HNRNPLL: variants seen among roughly 807,000 people sequenced by gnomAD.
The protein encoded by HNRNPLL is heterogeneous nuclear ribonucleoprotein L like, also known as heterogeneous nuclear ribonucleoprotein L-like.
In HNRNPLL, 25 loss-of-function variants were observed where a neutral mutation model predicts 67.1. The observed-to-expected ratio is 0.37, with a 90% confidence interval of 0.27 to 0.52. The LOEUF (loss-of-function observed/expected upper bound fraction) is 0.52. Ranked by LOEUF, HNRNPLL falls within the 20% of genes least tolerant of loss-of-function variation. The probability of loss-of-function intolerance (pLI) is 0.90; values close to 1 mark genes in which losing one functional copy is unlikely to be tolerated. For missense variants in HNRNPLL, 542 were observed against 673.9 expected (o/e 0.80, Z 2.17); for synonymous variants, 267 against 241.7 (o/e 1.10, Z -0.97).
intron 1 of HNRNPLL, among the ~76,000 whole-genome samples, chr2:38,593,621 GGCTCATGCCTGTAAT>G (rs1445252414): frequency 1.3e-5 from 2 of 152,178 alleles, no homozygotes; most frequent in African/African-American, 4.8e-5. Context: ...CAGACGTGGT[GGCTCATGCCTGTAAT>G]CCAGCACTTT....
intron 2 of HNRNPLL, among the ~76,000 whole-genome samples, chr2:38,590,405 T>C (rs1443261871): frequency 6.6e-6 from 1 of 152,168 alleles, no homozygotes; most frequent in Non-Finnish European, 1.5e-5. Flanking sequence ...CACACTGAAA[T>C]TTCTCTTCTA....
At chr2:38,580,327 T>C (rs1383354460) in intron 6 of HNRNPLL, among the ~76,000 whole-genome samples, 3 of 152,178 alleles carry the variant, frequency 2.0e-5, no homozygotes, top group Non-Finnish European at 2.9e-5. Flanking sequence ...GTGAAAAACA[T>C]GGGGTCTAGC....
intron 8 of HNRNPLL, among the ~76,000 whole-genome samples, chr2:38,571,385 C>T (rs1666076431): frequency 6.6e-6 from 1 of 152,156 alleles, no homozygotes; most frequent in Non-Finnish European, 1.5e-5. Flanking sequence ...TAAGGGAGGA[C>T]TCCTGTACCA....
rs551511026 is a variant in HNRNPLL at position 38,597,886 on chromosome 2, A to G, written c.189+4552T>C. On this transcript the variant is annotated intron_variant, in intron 1 of 12. Coordinates refer to ENST00000449105, the MANE Select transcript of HNRNPLL (RefSeq NM_138394.4). ...GTATTTTTAGTAGAGACGAGGTTTC[A>G]CCATCTTGGCCAGGCTGGTCTTGAA... 1.1e-4 allele frequency among the ~76,000 whole-genome samples: 17 copies of G among 151,876 alleles called. No individual in the cohort carries two copies. The Middle Eastern group carries it at 0.014, about 122-fold the overall frequency.
chr2:38,581,670 C>T (rs1180371527), intron 6 of HNRNPLL: 1 of 530,662 alleles, frequency 1.9e-6, no homozygotes, highest in Non-Finnish European at 3.3e-6. Flanking sequence ...AGTCCTTGAA[C>T]TGCGGGCGTG....
At position 38,602,476 on chromosome 2, in the gene HNRNPLL, C is replaced by T. The variant is rs571556070; in HGVS notation, c.151G>A (p.Gly51Ser). 9.7e-6 allele frequency: 15 copies of T among 1,542,420 alleles called. No homozygotes were observed. The Admixed American group carries it at 9.8e-5, about 10-fold the overall frequency. Residue 51 changes from glycine to serine, a missense_variant, in exon 1 of 13, where the codon GGC becomes AGC. Physicochemically the swap from Gly to Ser is moderately conservative, Grantham distance 56. This residue lies in a region of HNRNPLL where 127 missense variants were observed against 98.7 expected (regional missense o/e 1.29). Coordinates refer to ENST00000449105, the MANE Select transcript of HNRNPLL (RefSeq NM_138394.4). ...CTCCGGCCGCCGCCGCCGCCATCGC[C>T]CCCGCCCCGGGGCGTCGCTTCCCGG... Reference protein sequence around the residue: ...NRREATPRGGGDGGGGGRSFS... With the variant: ...NRREATPRGGSDGGGGGRSFS...
chr2:38,592,741 C>T (rs1425125153), intron 1 of HNRNPLL, among the ~76,000 whole-genome samples: 2 of 152,204 alleles, frequency 1.3e-5, no homozygotes, highest in Non-Finnish European at 2.9e-5. Flanking sequence ...TTTACAAATG[C>T]CATCAGGCAC....
intron 3 of HNRNPLL, among the ~76,000 whole-genome samples, chr2:38,585,036 C>T (rs562141080): frequency 3.9e-5 from 6 of 152,244 alleles, no homozygotes; most frequent in African/African-American, 1.2e-4. Flanking sequence ...ATGATACCAA[C>T]TGAAGTTTCC....
In HNRNPLL at chr2:38,562,635, C is replaced by A. The variant is rs929329482; in HGVS notation, c.*1547G>T. On this transcript the variant is annotated 3_prime_UTR_variant, in exon 13 of 13. Transcript: ENST00000449105. The stretch of plus-strand genomic sequence containing the variant: ...GGCAATGAATAAGAAACATACATAG[C>A]CCAGTATCGAACACAGTTCACACAG... 1 of 152,026 alleles carries A rather than the reference C, an allele frequency of 6.6e-6. No individual in the cohort carries two copies. Among genetic ancestry groups the A allele is most frequent in the African/African-American group, 2.4e-5 (1 of 41,402 alleles). 9.4% of individuals were successfully genotyped at this position (152,026 alleles called of 1,614,324 possible). A position where few individuals can be genotyped will look rare whatever the true frequency, so the allele number is the denominator to read the frequency against.
chr2:38,594,316 CATAAT>C (rs1402576495), intron 1 of HNRNPLL, among the ~76,000 whole-genome samples: 5 of 152,076 alleles, frequency 3.3e-5, no homozygotes, highest in South Asian at 2.1e-4. Flanking sequence ...ATTAGGTTAA[CATAAT>C]AGAATTAATT....
intron 1 of HNRNPLL, among the ~76,000 whole-genome samples, chr2:38,601,782 C>T (rs1463186555): frequency 6.6e-6 from 1 of 152,118 alleles, no homozygotes; most frequent in African/African-American, 2.4e-5. Context: ...CAACAGCTGC[C>T]AACACTTCTG....
chr2:38,574,381 G>C (rs2148346927), intron 7 of HNRNPLL, among the ~76,000 whole-genome samples: 1 of 151,896 alleles, frequency 6.6e-6, no homozygotes, highest in Non-Finnish European at 1.5e-5. Flanking sequence ...ACACATCTTA[G>C]ATGCTCCTAA....
At chr2:38,586,695 T>A (rs1180614088) in intron 2 of HNRNPLL, among the ~76,000 whole-genome samples, 2 of 152,194 alleles carry the variant, frequency 1.3e-5, no homozygotes, top group Admixed American at 1.3e-4. Flanking sequence ...AAAGTTCATA[T>A]AAATAATCTC....
Position 38,602,806 on chromosome 2 carries a change from G to A in HNRNPLL, c.-180C>T. The A allele has an allele frequency of 1.1e-5, 17 of 1,544,606 alleles. No individual in the cohort carries two copies. Among genetic ancestry groups the A allele is most frequent in the South Asian group, 2.4e-5 (2 of 83,444 alleles). On this transcript the variant is annotated 5_prime_UTR_variant, in exon 1 of 13. Coordinates refer to ENST00000449105, the MANE Select transcript of HNRNPLL (RefSeq NM_138394.4). Reference sequence around the variant, plus strand: ...GGCGGCTGAGAAGCGCGGACGGACTGAGGGGGGCGCCCCGGGAGGAAGCTC... The same window carrying A: ...GGCGGCTGAGAAGCGCGGACGGACTAAGGGGGGCGCCCCGGGAGGAAGCTC...
chr2:38,582,535 C>T (rs1485980458), intron 4 of HNRNPLL, among the ~76,000 whole-genome samples: 1 of 152,170 alleles, frequency 6.6e-6, no homozygotes, highest in Non-Finnish European at 1.5e-5. Flanking sequence ...TTGTCTCGAT[C>T]TCTTGACTTC....
chr2:38,571,859 A>G (rs1666097208), intron 8 of HNRNPLL, among the ~76,000 whole-genome samples: 1 of 152,172 alleles, frequency 6.6e-6, no homozygotes, highest in East Asian at 1.9e-4. Context: ...AATAACATAC[A>G]AAAAATCTAA....
Position 38,569,296 on chromosome 2 carries a change from A to T in HNRNPLL, c.1253T>A (p.Phe418Tyr). 6.2e-7 allele frequency: 1 copy of T among 1,613,086 alleles called. No individual in the cohort carries two copies. Among genetic ancestry groups the T allele is most frequent in the Non-Finnish European group, 8.5e-7 (1 of 1,179,478 alleles). ...GCTGCTGGTACCATCCTCCAGCTCA[A>T]ATATTTGACTTGGAACAACTGAATG... ...KQHSVVPSQI[F>Y]ELEDGTSSYK... The change falls in exon 10 of 13, where the codon TTT (phenylalanine) becomes TAT (tyrosine). Residue 418 changes from phenylalanine (F) to tyrosine (Y), a missense_variant. Physicochemically the swap from Phe to Tyr is conservative, Grantham distance 22. This residue lies in a region of HNRNPLL where 415 missense variants were observed against 575.2 expected (regional missense o/e 0.72). Transcript: ENST00000449105.
rs1665718536 is a variant in HNRNPLL, at chr2:38,562,901, T to A, written c.*1281A>T. ...TATATTAAAATTTAAAATAAAGTCT[T>A]TACAAAAGATCTAAATGGAACTTTC... is the stretch of plus-strand genomic sequence containing the variant. On this transcript the variant is annotated 3_prime_UTR_variant, in exon 13 of 13. Transcript: ENST00000449105. 1 of 152,112 alleles carries A rather than the reference T, an allele frequency of 6.6e-6. No homozygotes were observed. The highest frequency in any genetic ancestry group is 1.5e-5 in the Non-Finnish European group (1 of 67,966). 9.4% of individuals were successfully genotyped at this position (152,112 alleles called of 1,614,324 possible). A position where few individuals can be genotyped will look rare whatever the true frequency, so the allele number is the denominator to read the frequency against.
chr2:38,602,682 G>C lies in HNRNPLL; in HGVS notation c.-56C>G. ...GGGTGGGGGTGGCGGTGGGGCGCGC[G>C]CCTCGGATGCCGCCGGCCAGTCCTC... On this transcript the variant is annotated 5_prime_UTR_variant, in exon 1 of 13. Transcript: ENST00000449105. The C allele has an allele frequency of 7.0e-7, 1 of 1,424,480 alleles. No homozygotes were observed. The highest frequency in any genetic ancestry group is 1.5e-5 in the South Asian group (1 of 66,832). The allele number at this position is 1,424,480 out of a possible 1,614,324, so 88.2% of individuals were successfully genotyped here.
Sources: allele counts gnomAD v4.1 joint callset (sites outside exome capture counted in the v4.1 genomes callset), GRCh38; gene constraint gnomAD v4.1.1; regional missense constraint gnomAD v4.1.1; transcripts MANE v1.5; gene names NCBI Gene and HGNC (gene_info 2026-07-23, HGNC 2026-07-21).